The following KIAA0586 variants were observed in gnomAD, a reference collection of about 807,000 sequenced individuals.
KIAA0586 encodes protein TALPID3.
Under a neutral mutation model 169.8 loss-of-function variants are expected in KIAA0586, and 144 were observed. That is an observed-to-expected ratio of 0.85 (90% confidence interval 0.74 to 0.97). The LOEUF (loss-of-function observed/expected upper bound fraction) is 0.97, where lower values mean the gene tolerates loss of function less well. Among genes scored for constraint, KIAA0586 ranks in the 50% least tolerant of loss-of-function variants. The pLI, the probability that KIAA0586 is intolerant of heterozygous loss-of-function variation, is 0.00. For missense variants in KIAA0586, 1,854 were observed against 1,823.0 expected, an observed-to-expected ratio of 1.02 and a Z score of -0.31; for synonymous variants, 625 against 612.4, an observed-to-expected ratio of 1.02 and a Z score of -0.30.
chr14:58,495,697 A>G (rs181503129), intron 26 of KIAA0586, among the ~76,000 whole-genome samples: 17 of 152,178 alleles, frequency 1.1e-4, no homozygotes, highest in Non-Finnish European at 5.9e-5. Context: ...AATCCTGAAG[A>G]TCTACTATAT....
intron 29 of KIAA0586, chr14:58,521,295 A>G (rs2045207725): frequency 1.8e-6 from 2 of 1,140,946 alleles, no homozygotes; most frequent in South Asian, 1.2e-5. Context: ...GAATCTCAAC[A>G]CTCTTGTGCT....
Position 58,453,336 on chromosome 14 carries a change from C to G in KIAA0586, c.1130-14C>G, listed in dbSNP as rs1457711769. On this transcript the variant is annotated splice_polypyrimidine_tract_variant and intron_variant, in intron 8 of 30. Transcript: ENST00000652326. ...TAGTATTTGGAAAATGATACTATATCTCTTCTATTTCAGGAAATGTAAGAC... is the reference window on the plus strand; with the variant it reads ...TAGTATTTGGAAAATGATACTATATGTCTTCTATTTCAGGAAATGTAAGAC... The G allele has an allele frequency of 8.3e-6, 10 of 1,200,982 alleles. No homozygotes were observed. In the South Asian group the frequency reaches 1.6e-4, roughly 19 times the overall value. The allele number at this position is 1,200,982 out of a possible 1,614,324, so 74.4% of individuals were successfully genotyped here.
intron 5 of KIAA0586, among the ~76,000 whole-genome samples, chr14:58,443,492 A>G (rs1193894020): frequency 6.6e-6 from 1 of 152,170 alleles, no homozygotes; most frequent in Non-Finnish European, 1.5e-5. Context: ...GTGCGATCTC[A>G]GCTCACTGCA....
intron 6 of KIAA0586, among the ~76,000 whole-genome samples, chr14:58,448,107 AAATGATT>A (rs1257034687): frequency 6.6e-6 from 1 of 152,194 alleles, no homozygotes; most frequent in Non-Finnish European, 1.5e-5. Context: ...TGGTTAAGGA[AAATGATT>A]AAGGTCACAC....
chr14:58,443,938 G>T lies in KIAA0586; in HGVS notation c.586-16G>T. 2 of 1,493,758 alleles carry T rather than the reference G, an allele frequency of 1.3e-6. No homozygotes were observed. The highest frequency in any genetic ancestry group is 2.0e-5 in the Admixed American group (1 of 50,732). The allele number at this position is 1,493,758 out of a possible 1,614,324, so 92.5% of individuals were successfully genotyped here. ...TCCTATAATGTGAATTTTTAAAAAT[G>T]TTTTTATTGTTTTAGGTGCAGAGTG... On this transcript the variant is annotated splice_polypyrimidine_tract_variant and intron_variant, in intron 5 of 30. Transcript: ENST00000652326.
In KIAA0586 at chr14:58,428,468, G is replaced by A; in HGVS notation, c.199+5G>A. ...GTTTGAATGGAACATCACGTGGTAT[G>A]TGATTCCATGTAGTTTTTCAACCAG... On this transcript the variant is annotated splice_donor_5th_base_variant and intron_variant, in intron 1 of 30. Transcript: ENST00000652326. 6.3e-7 allele frequency: 1 copy of A among 1,593,554 alleles called. No individual in the cohort carries two copies. Among genetic ancestry groups the A allele is most frequent in the Non-Finnish European group, 8.6e-7 (1 of 1,162,422 alleles).
At chr14:58,516,238 A>G (rs1464163408) in intron 29 of KIAA0586, among the ~76,000 whole-genome samples, 2 of 152,162 alleles carry the variant, frequency 1.3e-5, no homozygotes, top group Non-Finnish European at 2.9e-5. Context: ...AGTCTCTCTC[A>G]CTGGTGCAGG....
intron 6 of KIAA0586, among the ~76,000 whole-genome samples, chr14:58,446,552 T>A (rs1223553188): frequency 6.6e-6 from 1 of 152,044 alleles, no homozygotes; most frequent in Non-Finnish European, 1.5e-5. Context: ...CACACACATA[T>A]ATGTATATAT....
the KIAA0586 span, among the ~76,000 whole-genome samples, chr14:58,557,096 A>C: frequency 6.6e-6 from 1 of 152,202 alleles, no homozygotes; most frequent in South Asian, 2.1e-4. Context: ...ACTATACCAC[A>C]ATTCATTAAT....
chr14:58,497,544 T>A (rs989093905), intron 26 of KIAA0586, among the ~76,000 whole-genome samples: 1 of 151,432 alleles, frequency 6.6e-6, no homozygotes, highest in Admixed American at 6.6e-5. Context: ...ACTTTTTTTT[T>A]AGTAGAGACG....
In KIAA0586 at chr14:58,457,816, C is replaced by A; in HGVS notation, c.1420C>A (p.Leu474Ile). 1 of 1,607,940 alleles carries A rather than the reference C, an allele frequency of 6.2e-7. No homozygotes were observed. Among genetic ancestry groups the A allele is most frequent in the South Asian group, 1.1e-5 (1 of 90,098 alleles). ...AGATCTTCCACAGAATTCTGTTAAG[C>A]TTCAAACAACCAATACAACAAGATC... ...LPDLPQNSVK[L>I]QTTNTTRSVL... The change falls in exon 11 of 31, where the codon CTT becomes ATT. Residue 474 changes from leucine (L) to isoleucine (I), a missense_variant. Coordinates refer to ENST00000652326, the MANE Select transcript of KIAA0586 (RefSeq NM_001329943.3).
At position 58,549,272 on chromosome 14, in the gene KIAA0586, A is replaced by G; in HGVS notation, c.*1340A>G. 6.6e-6 allele frequency: 1 copy of G among 152,134 alleles called. No individual in the cohort carries two copies. Among genetic ancestry groups the G allele is most frequent in the East Asian group, 1.9e-4 (1 of 5,196 alleles). The allele number at this position is 152,134 out of a possible 1,614,324, so 9.4% of individuals were successfully genotyped here. A position where few individuals can be genotyped will look rare whatever the true frequency, so the allele number is the denominator to read the frequency against. ...AGAACCTCTGGGAGCTTTAAAAAATACTAATGCCTGGGCCTTGTACCAAGG... is the reference window on the plus strand; with the variant it reads ...AGAACCTCTGGGAGCTTTAAAAAATGCTAATGCCTGGGCCTTGTACCAAGG... On this transcript the variant is annotated 3_prime_UTR_variant, in exon 31 of 31. Transcript: ENST00000652326.
intron 4 of KIAA0586, among the ~76,000 whole-genome samples, chr14:58,439,354 T>C (rs549124795): frequency 1.3e-5 from 2 of 152,226 alleles, no homozygotes; most frequent in South Asian, 4.2e-4. Context: ...GCCCGGCTAC[T>C]TTTTTGTATT....
intron 23 of KIAA0586, 63 bp from the exon 24 acceptor site, chr14:58,488,558 T>C: frequency 6.4e-7 from 1 of 1,552,398 alleles, no homozygotes; most frequent in Non-Finnish European, 8.7e-7. Context: ...CTGTTTTTTA[T>C]ATCAAAATGA....
chr14:58,502,425 C>T (rs1434932981), intron 27 of KIAA0586, among the ~76,000 whole-genome samples: 3 of 152,344 alleles, frequency 2.0e-5, no homozygotes, highest in East Asian at 1.9e-4. Context: ...CACGTGTGAG[C>T]CACTGCGCCC....
chr14:58,443,659 G>A (rs894342330), intron 5 of KIAA0586, among the ~76,000 whole-genome samples: 4 of 152,118 alleles, frequency 2.6e-5, no homozygotes, highest in Non-Finnish European at 4.4e-5. Flanking sequence ...TCCTGACCTC[G>A]TGATCTGCCT....
At chr14:58,544,404 C>T (rs570238043) in intron 30 of KIAA0586, among the ~76,000 whole-genome samples, 7 of 152,208 alleles carry the variant, frequency 4.6e-5, no homozygotes, top group East Asian at 3.9e-4. Context: ...ATTGCTGGGT[C>T]GAATGGTAGT....
chr14:58,507,165 G>GTATATA (rs35984192), intron 27 of KIAA0586, among the ~76,000 whole-genome samples: 68 of 139,184 alleles, frequency 4.9e-4, no homozygotes, highest in Non-Finnish European at 6.8e-4. Context: ...AAAAAAAAGT[G>GTATATA]TATATATATA....
chr14:58,510,403 A>G (rs1254503297), intron 28 of KIAA0586, among the ~76,000 whole-genome samples: 2 of 152,162 alleles, frequency 1.3e-5, no homozygotes, highest in Non-Finnish European at 2.9e-5. Context: ...AGAGTTAGTC[A>G]TTAGGAAAAT....
Sources: allele counts gnomAD v4.1 joint callset (sites outside exome capture counted in the v4.1 genomes callset), GRCh38; gene constraint gnomAD v4.1.1; transcripts MANE v1.5; gene names NCBI Gene and HGNC (gene_info 2026-07-23, HGNC 2026-07-21).